PTPRN2: variants seen among roughly 807,000 people sequenced by gnomAD.
PTPRN2 encodes receptor-type tyrosine-protein phosphatase N2.
A neutral mutation model predicts 118.8 loss-of-function variants in PTPRN2; 74 were observed. The observed-to-expected ratio is 0.62, with a 90% confidence interval of 0.52 to 0.76. The LOEUF (loss-of-function observed/expected upper bound fraction) is 0.76, where lower values mean the gene tolerates loss of function less well. Among genes scored for constraint, PTPRN2 ranks in the 30% least tolerant of loss-of-function variants. PTPRN2 has a pLI of 0.00. For synonymous variants in PTPRN2, 641 were observed against 608.0 expected, an observed-to-expected ratio of 1.05 and a Z score of -0.80; for missense variants, 1,481 against 1,394.4, an observed-to-expected ratio of 1.06 and a Z score of -0.99.
chr7:158,513,112 C>T (rs976776387), intron 1 of PTPRN2, among the ~76,000 whole-genome samples: 12 of 152,192 alleles, frequency 7.9e-5, no homozygotes, highest in African/African-American at 2.4e-4. Context: ...GGGGAGAAGC[C>T]GCAACCCTCC....
At chr7:158,150,012 C>T (rs146058551) in intron 6 of PTPRN2, among the ~76,000 whole-genome samples, 1 of 152,138 alleles carries the variant, frequency 6.6e-6, no homozygotes, top group African/African-American at 2.4e-5. Flanking sequence ...ACAGACACAT[C>T]AGATTTAGGT....
rs763473533 is a variant in PTPRN2, at chr7:158,242,315, G to A, written c.278-37042C>T. Among the ~76,000 whole-genome samples, 99 of 152,190 alleles carry A rather than the reference G, an allele frequency of 6.5e-4. 1 individual carries two copies. The highest frequency in any genetic ancestry group is 1.9e-4 in the Non-Finnish European group (13 of 68,024). ...TGGACTTCTCCAACCTCTTAGTTCC[G>A]CTTCTTTTCAATTAGAGAGAATTCT... On this transcript the variant is annotated intron_variant, in intron 3 of 22. Transcript: ENST00000389418.
intron 5 of PTPRN2, among the ~76,000 whole-genome samples, chr7:158,172,816 C>T (rs79401025): frequency 0.019 from 2,789 of 150,388 alleles, 93 homozygotes; most frequent in African/African-American, 0.065. Flanking sequence ...AGCATCATCC[C>T]ACCATCCACA....
At chr7:157,778,228 T>A (rs1803453442) in intron 12 of PTPRN2, among the ~76,000 whole-genome samples, 1 of 152,268 alleles carries the variant, frequency 6.6e-6, no homozygotes, top group South Asian at 2.1e-4. Flanking sequence ...GGCTGACGAC[T>A]AAACATGTCC....
chr7:157,626,701 C>G (rs988127344), intron 14 of PTPRN2, among the ~76,000 whole-genome samples: 1 of 152,196 alleles, frequency 6.6e-6, no homozygotes, highest in African/African-American at 2.4e-5. Flanking sequence ...TCAGCACAGG[C>G]AGCAAGCACT....
intron 3 of PTPRN2, among the ~76,000 whole-genome samples, chr7:158,245,430 C>T (rs545010446): frequency 1.3e-5 from 2 of 152,218 alleles, no homozygotes; most frequent in Non-Finnish European, 2.9e-5. Flanking sequence ...AATGCGCGGC[C>T]TGTTGAGTTT....
chr7:158,024,185 G>A (rs981438086), intron 11 of PTPRN2, among the ~76,000 whole-genome samples: 4 of 152,172 alleles, frequency 2.6e-5, no homozygotes, highest in Non-Finnish European at 5.9e-5. Context: ...CATGCCCAGT[G>A]CATCCCAGCA....
chr7:158,355,667 T>C (rs1396957969), intron 2 of PTPRN2, among the ~76,000 whole-genome samples: 1 of 152,114 alleles, frequency 6.6e-6, no homozygotes, highest in African/African-American at 2.4e-5. Flanking sequence ...AGTCCCCTCA[T>C]TTGCTGGACT....
chr7:158,039,183 G>A (rs535305568), intron 11 of PTPRN2, among the ~76,000 whole-genome samples: 2 of 152,194 alleles, frequency 1.3e-5, no homozygotes, highest in Non-Finnish European at 2.9e-5. Flanking sequence ...TATCTGCGTG[G>A]ATAAATCCTC....
chr7:157,876,704 G>A (rs1272495500), intron 12 of PTPRN2, among the ~76,000 whole-genome samples: 1 of 152,142 alleles, frequency 6.6e-6, no homozygotes, highest in African/African-American at 2.4e-5. Context: ...AGGATGGGTC[G>A]GGGGCAGCGG....
intron 3 of PTPRN2, among the ~76,000 whole-genome samples, chr7:158,284,778 T>C (rs1033757964): frequency 2.0e-5 from 3 of 152,226 alleles, no homozygotes; most frequent in African/African-American, 7.2e-5. Flanking sequence ...GTGCAGGCGA[T>C]GAATGTACTA....
intron 2 of PTPRN2, among the ~76,000 whole-genome samples, chr7:158,358,617 C>A (rs1808576881): frequency 6.6e-6 from 1 of 152,240 alleles, no homozygotes; most frequent in South Asian, 2.1e-4. Context: ...CAGAATGGGA[C>A]TCAGCCTCAG....
chr7:157,701,401 T>C (rs1798060072), intron 12 of PTPRN2, among the ~76,000 whole-genome samples: 2 of 152,250 alleles, frequency 1.3e-5, no homozygotes, highest in African/African-American at 4.8e-5. Context: ...ATTCTTTGAA[T>C]AGTAATTCAA....
intron 2 of PTPRN2, among the ~76,000 whole-genome samples, chr7:158,470,740 C>T (rs749300105): frequency 1.4e-4 from 22 of 152,126 alleles, no homozygotes; most frequent in Non-Finnish European, 3.1e-4. Flanking sequence ...GAGCATTCAC[C>T]GAGGTGGAGA....
Position 158,489,763 on chromosome 7 carries a change from G to C in PTPRN2, c.135C>G (p.Leu45=). ...TCACACAGGCCTCGGACGCTCCGCA[G>C]AGGCCCTCCTCGAGCAGGCAGCCTG... ...GRLGCLLEEG[L]CGASEACVND... Residue 45 remains leucine (L), a synonymous_variant, in exon 2 of 23, where the codon CTC becomes CTG. Transcript: ENST00000389418. 9 of 1,582,994 alleles carry C rather than the reference G, an allele frequency of 5.7e-6. No homozygotes were observed. Among genetic ancestry groups the C allele is most frequent in the Non-Finnish European group, 7.7e-6 (9 of 1,165,622 alleles).
intron 12 of PTPRN2, among the ~76,000 whole-genome samples, chr7:157,692,949 G>A (rs966244842): frequency 6.6e-6 from 1 of 152,042 alleles, no homozygotes; most frequent in Non-Finnish European, 1.5e-5. Context: ...GCAAAGAGTC[G>A]AGTGGTAGCG....
intron 12 of PTPRN2, among the ~76,000 whole-genome samples, chr7:157,771,790 C>CACACAT (rs1486936720): frequency 6.7e-6 from 1 of 150,128 alleles, no homozygotes; most frequent in Non-Finnish European, 1.5e-5. Flanking sequence ...CACACACTCA[C>CACACAT]AGACACAGAC....
chr7:158,559,368 T>C (rs1355162849), intron 1 of PTPRN2, among the ~76,000 whole-genome samples: 1 of 152,222 alleles, frequency 6.6e-6, no homozygotes, highest in Non-Finnish European at 1.5e-5. Context: ...ACTTTTTTGA[T>C]ACCTGACTTT....
intron 14 of PTPRN2, among the ~76,000 whole-genome samples, chr7:157,650,944 C>T (rs547781727): frequency 2.6e-5 from 4 of 152,306 alleles, no homozygotes; most frequent in South Asian, 4.1e-4. Context: ...AGAGACACGA[C>T]GGGCCCAGGG....
Sources: allele counts gnomAD v4.1 joint callset (sites outside exome capture counted in the v4.1 genomes callset), GRCh38; gene constraint gnomAD v4.1.1; transcripts MANE v1.5; gene names NCBI Gene and HGNC (gene_info 2026-07-23, HGNC 2026-07-21).